The following IL19 variants were observed in gnomAD, a reference collection of about 807,000 sequenced individuals.
IL19 encodes the protein interleukin 19.
In IL19, 15 loss-of-function variants were observed where a neutral mutation model predicts 19.5. That is an observed-to-expected ratio of 0.77 (90% confidence interval 0.52 to 1.19). The LOEUF (loss-of-function observed/expected upper bound fraction) is 1.19. IL19 is among the 50% of genes most tolerant of loss of function. The pLI, the probability that IL19 is intolerant of heterozygous loss-of-function variation, is 0.00. For missense variants in IL19, 199 were observed against 213.1 expected, an observed-to-expected ratio of 0.93 and a Z score of 0.41; for synonymous variants, 78 against 78.3, an observed-to-expected ratio of 1.00 and a Z score of 0.02.
chr1:206,781,219 G>A (rs1172280342), intron 1 of IL19, among the ~76,000 whole-genome samples: 1 of 151,856 alleles, frequency 6.6e-6, no homozygotes, highest in Non-Finnish European at 1.5e-5. Context: ...GCCGAGATGG[G>A]CGGATCACTA....
chr1:206,840,135 A>G (rs1033796672), intron 5 of IL19, 133 bp downstream of exon 5: 2 of 960,022 alleles, frequency 2.1e-6, no homozygotes, highest in Non-Finnish European at 3.3e-6. Flanking sequence ...GTCCACAGGG[A>G]GAACTGTGGA....
chr1:206,834,025 C>CG (rs1676699967), intron 2 of IL19: 3 of 985,414 alleles, frequency 3.0e-6, no homozygotes, highest in Non-Finnish European at 3.6e-6. Context: ...GCAGGGTACA[C>CG]TTGGTAACGT....
At chr1:206,785,436 A>G (rs769839751) in intron 1 of IL19, among the ~76,000 whole-genome samples, 1 of 152,218 alleles carries the variant, frequency 6.6e-6, no homozygotes, top group African/African-American at 2.4e-5. Flanking sequence ...GAAAGAAGCC[A>G]TGAAAATAAC....
intron 2 of IL19, chr1:206,833,691 T>A: frequency 3.0e-6 from 3 of 985,572 alleles, no homozygotes; most frequent in Non-Finnish European, 3.6e-6. Context: ...CACTGGCTGA[T>A]CTTAAACCTC....
chr1:206,836,831 G>T, intron 3 of IL19, 25 bp downstream of exon 3: 1 of 1,613,630 alleles, frequency 6.2e-7, no homozygotes, highest in African/African-American at 1.3e-5. Flanking sequence ...GTGTAAAGGT[G>T]TGGATGACGG....
chr1:206,834,005 G>A, intron 2 of IL19: 1 of 985,512 alleles, frequency 1.0e-6, no homozygotes, highest in Non-Finnish European at 1.2e-6. Flanking sequence ...GTGCTTTTGT[G>A]AGTTGGCCTG....
intron 2 of IL19, among the ~76,000 whole-genome samples, chr1:206,801,380 G>A (rs566878687): frequency 9.2e-5 from 14 of 152,326 alleles, no homozygotes; most frequent in African/African-American, 3.1e-4. Context: ...TGGAATGGAG[G>A]CAACTTCCTG....
At chr1:206,838,399 G>GAC (rs139578085) in intron 4 of IL19, among the ~76,000 whole-genome samples, 4 of 151,994 alleles carry the variant, frequency 2.6e-5, no homozygotes, top group Non-Finnish European at 4.4e-5. Flanking sequence ...ATACGTGAGA[G>GAC]ACACACACAC....
intron 2 of IL19, among the ~76,000 whole-genome samples, chr1:206,832,313 T>C (rs1676633173): frequency 2.0e-5 from 3 of 152,236 alleles, no homozygotes; most frequent in Non-Finnish European, 2.9e-5. Context: ...CCTCACAGTT[T>C]TATTTTACCT....
At chr1:206,831,398 AC>A (rs1353178923) in intron 2 of IL19, among the ~76,000 whole-genome samples, 1 of 152,162 alleles carries the variant, frequency 6.6e-6, no homozygotes, top group African/African-American at 2.4e-5. Flanking sequence ...GGCAGATGCA[AC>A]CTTGTGTCTG....
At chr1:206,797,891 A>G (rs1675564683) in intron 1 of IL19, among the ~76,000 whole-genome samples, 1 of 152,224 alleles carries the variant, frequency 6.6e-6, no homozygotes, top group Non-Finnish European at 1.5e-5. Context: ...GGGTTAAGAT[A>G]AAAACCTTAG....
At chr1:206,801,594 A>C (rs1229672561) in intron 2 of IL19, among the ~76,000 whole-genome samples, 2 of 152,176 alleles carry the variant, frequency 1.3e-5, no homozygotes, top group African/African-American at 2.4e-5. Flanking sequence ...TTCCGGTCAA[A>C]GTTCTGTGTC....
chr1:206,797,844 T>G (rs919751455), intron 1 of IL19, among the ~76,000 whole-genome samples: 3 of 152,192 alleles, frequency 2.0e-5, no homozygotes, highest in Admixed American at 6.5e-5. Flanking sequence ...TCTGGCTCTT[T>G]CTCCACGTGA....
intron 2 of IL19, among the ~76,000 whole-genome samples, chr1:206,808,956 A>G (rs1675930032): frequency 6.6e-6 from 1 of 152,346 alleles, no homozygotes; most frequent in South Asian, 2.1e-4. Context: ...TCTGTATGAC[A>G]GAGAAGGAAG....
chr1:206,788,157 T>C (rs1465509985), intron 1 of IL19, among the ~76,000 whole-genome samples: 1 of 152,186 alleles, frequency 6.6e-6, no homozygotes, highest in African/African-American at 2.4e-5. Context: ...TGCTCACATG[T>C]GTGTGCGTGT....
chr1:206,811,492 T>G (rs1676010713), intron 2 of IL19, among the ~76,000 whole-genome samples: 1 of 151,442 alleles, frequency 6.6e-6, no homozygotes, highest in African/African-American at 2.4e-5. Flanking sequence ...TTGAGCTGCC[T>G]TTCATTCTAT....
At chr1:206,813,502 A>G (rs1240898569) in intron 2 of IL19, among the ~76,000 whole-genome samples, 1 of 151,838 alleles carries the variant, frequency 6.6e-6, no homozygotes, top group Non-Finnish European at 1.5e-5. Context: ...TTTGGATCCT[A>G]ATACCCTGGA....
intron 1 of IL19, among the ~76,000 whole-genome samples, chr1:206,781,250 C>A (rs1008577366): frequency 6.6e-6 from 1 of 151,440 alleles, no homozygotes; most frequent in South Asian, 2.1e-4. Flanking sequence ...TCAAGACCAG[C>A]CTGGCCAACA....
At chr1:206,808,794 A>T (rs912974131) in intron 2 of IL19, among the ~76,000 whole-genome samples, 5 of 152,204 alleles carry the variant, frequency 3.3e-5, no homozygotes, top group African/African-American at 1.2e-4. Context: ...AAAGGCTCCC[A>T]GCCCATTTGG....
Sources: allele counts gnomAD v4.1 joint callset (sites outside exome capture counted in the v4.1 genomes callset), GRCh38; gene constraint gnomAD v4.1.1; transcripts MANE v1.5; gene names NCBI Gene and HGNC (gene_info 2026-07-23, HGNC 2026-07-21).